ZNF26: variants seen among roughly 807,000 people sequenced by gnomAD.
ZNF26 encodes the protein zinc finger protein 26, also known as epididymis luminal protein 179.
ZNF26 carries 32 observed loss-of-function variants against 54.9 expected under a neutral mutation model. The observed-to-expected ratio is 0.58, with a 90% confidence interval of 0.44 to 0.78. ZNF26 has a LOEUF of 0.78. Among genes scored for constraint, ZNF26 ranks in the 30% least tolerant of loss-of-function variants. The pLI is 0.00. For missense variants in ZNF26, 524 were observed against 634.0 expected, an observed-to-expected ratio of 0.83 and a Z score of 1.86; for synonymous variants, 221 against 209.2, an observed-to-expected ratio of 1.06 and a Z score of -0.49.
rs950577383 is a variant in ZNF26, at chr12:133,022,223, A to C, written c.*10742A>C. 6.6e-6 allele frequency: 1 copy of C among 152,198 alleles called. No individual in the cohort carries two copies. The highest frequency in any genetic ancestry group is 6.5e-5 in the Admixed American group (1 of 15,280). 9.4% of individuals were successfully genotyped at this position (152,198 alleles called of 1,614,324 possible). A position where few individuals can be genotyped will look rare whatever the true frequency, so the allele number is the denominator to read the frequency against. On this transcript the variant is annotated 3_prime_UTR_variant, in exon 4 of 4. Coordinates refer to ENST00000328654, the MANE Select transcript of ZNF26 (RefSeq NM_019591.4). ...ACAGAGTGAGACCCTGTCACACACA[A>C]AAAATTAAAGTCATTAAAAAGAAAA... is the stretch of plus-strand genomic sequence containing the variant.
chr12:132,998,633 A>G (rs1159430032), intron 1 of ZNF26, among the ~76,000 whole-genome samples: 5 of 152,340 alleles, frequency 3.3e-5, no homozygotes, highest in African/African-American at 1.2e-4. Flanking sequence ...AAAAAGTGAC[A>G]TTCTTTACTT....
intron 1 of ZNF26, among the ~76,000 whole-genome samples, chr12:132,991,769 G>A (rs1461535441): frequency 6.6e-6 from 1 of 152,088 alleles, no homozygotes; most frequent in Admixed American, 6.6e-5. Flanking sequence ...AGGCAACAGA[G>A]CGAGACCGTC....
chr12:133,009,765 G>T (rs1411175366), intron 3 of ZNF26, among the ~76,000 whole-genome samples: 1 of 151,954 alleles, frequency 6.6e-6, no homozygotes, highest in South Asian at 2.1e-4. Flanking sequence ...GTGTAGTGGC[G>T]TGATCTCGGC....
chr12:133,011,175 G>C lies in ZNF26; in HGVS notation c.1296G>C (p.Glu432Asp). 1 of 1,614,146 alleles carries C rather than the reference G, an allele frequency of 6.2e-7. No homozygotes were observed. The highest frequency in any genetic ancestry group is 8.5e-7 in the Non-Finnish European group (1 of 1,180,022). ...GACCCTATGAATGTAGTTTGTGTGA[G>C]AGAGCCTTTTGTGGAAAATCACAGC... The part of the protein sequence containing the change: ...GERPYECSLC[E>D]RAFCGKSQLI... The change falls in exon 4 of 4, where the codon GAG becomes GAC. Residue 432 changes from glutamate to aspartate, a missense_variant. Glu to Asp is a conservative substitution (Grantham distance 45). Coordinates refer to ENST00000328654, the MANE Select transcript of ZNF26 (RefSeq NM_019591.4).
chr12:133,009,367 C>T (rs1386982778), intron 3 of ZNF26, among the ~76,000 whole-genome samples: 9 of 152,074 alleles, frequency 5.9e-5, no homozygotes, highest in Non-Finnish European at 7.4e-5. Context: ...CCAAGGCGGG[C>T]GGATCGCTTG....
In ZNF26 at chr12:133,016,880, A is replaced by AT. The variant is rs2137274168; in HGVS notation, c.*5403dup. ...TGGGAATATTAGTTGAAAGTCTGAT[A>AT]TTTTATCATTGAGTTGCCCTTTTCC... On this transcript the variant is annotated 3_prime_UTR_variant, in exon 4 of 4. Transcript: ENST00000328654. 6.6e-6 allele frequency: 1 copy of AT among 152,260 alleles called. No homozygotes were observed. Among genetic ancestry groups the AT allele is most frequent in the Non-Finnish European group, 1.5e-5 (1 of 68,028 alleles). 9.4% of individuals were successfully genotyped at this position (152,260 alleles called of 1,614,324 possible).
intron 1 of ZNF26, among the ~76,000 whole-genome samples, chr12:132,996,025 A>G (rs1035153369): frequency 3.3e-5 from 5 of 152,148 alleles, no homozygotes; most frequent in African/African-American, 1.2e-4. Context: ...GATCACCTCA[A>G]TCAAAACAGG....
rs1379670426 is a variant in ZNF26, at chr12:133,018,326, G to A, written c.*6845G>A. The A allele has an allele frequency of 6.6e-6, 1 of 152,000 alleles. No homozygotes were observed. The highest frequency in any genetic ancestry group is 1.5e-5 in the Non-Finnish European group (1 of 68,002). 9.4% of individuals were successfully genotyped at this position (152,000 alleles called of 1,614,324 possible). A position where few individuals can be genotyped will look rare whatever the true frequency, so the allele number is the denominator to read the frequency against. Reference sequence around the variant, plus strand: ...AATGTGTTGTTGCATTTGTAACATAGATATATATATCAATACCAGCACAAA... The same window carrying A: ...AATGTGTTGTTGCATTTGTAACATAAATATATATATCAATACCAGCACAAA... On this transcript the variant is annotated 3_prime_UTR_variant, in exon 4 of 4. Transcript: ENST00000328654.
At chr12:132,995,417 TCTC>T (rs1383278423) in intron 1 of ZNF26, 28 of 151,794 alleles carry the variant, frequency 1.8e-4, no homozygotes, top group African/African-American at 6.8e-4. Flanking sequence ...TAATTCCAGT[TCTC>T]CTTTTATTCA....
Position 133,023,564 on chromosome 12 carries a change from A to G in ZNF26, c.*12083A>G, listed in dbSNP as rs1274832359. 1 of 152,250 alleles carries G rather than the reference A, an allele frequency of 6.6e-6. No homozygotes were observed. The highest frequency in any genetic ancestry group is 2.4e-5 in the African/African-American group (1 of 41,474). The allele number at this position is 152,250 out of a possible 1,614,324, so 9.4% of individuals were successfully genotyped here. ...GGTCTCTTTCGCCATACATTTGTAT[A>G]TGAGGTTGAACCATAGGAAATTACA... On this transcript the variant is annotated 3_prime_UTR_variant, in exon 4 of 4. Coordinates refer to ENST00000328654, the MANE Select transcript of ZNF26 (RefSeq NM_019591.4).
intron 1 of ZNF26, 36 bp downstream of exon 1, chr12:132,986,909 G>T: frequency 6.3e-7 from 1 of 1,587,520 alleles, no homozygotes; most frequent in Non-Finnish European, 8.6e-7. Context: ...AATTCGACTG[G>T]ATACTGAGGG....
At chr12:132,991,647 TA>T (rs75476927) in intron 1 of ZNF26, among the ~76,000 whole-genome samples, 1 of 149,488 alleles carries the variant, frequency 6.7e-6, no homozygotes, top group African/African-American at 2.5e-5. Context: ...AAAAAAAACC[TA>T]AAAAAAAAAC....
In ZNF26 at chr12:133,026,063, A is replaced by C. The variant is rs1478295069; in HGVS notation, c.*14582A>C. ...TAGAAAAAGCTGCCTAGCTGAGCCTATCTTGAATTTCTGACCCAGGAAACT... is the reference window on the plus strand; with the variant it reads ...TAGAAAAAGCTGCCTAGCTGAGCCTCTCTTGAATTTCTGACCCAGGAAACT... On this transcript the variant is annotated 3_prime_UTR_variant, in exon 4 of 4. Transcript: ENST00000328654. 1 of 151,818 alleles carries C rather than the reference A, an allele frequency of 6.6e-6. No individual in the cohort carries two copies. The highest frequency in any genetic ancestry group is 1.5e-5 in the Non-Finnish European group (1 of 67,998). 9.4% of individuals were successfully genotyped at this position (151,818 alleles called of 1,614,324 possible). A position where few individuals can be genotyped will look rare whatever the true frequency, so the allele number is the denominator to read the frequency against.
At position 133,011,072 on chromosome 12, in the gene ZNF26, A is replaced by G. The variant is rs1953461462; in HGVS notation, c.1193A>G (p.Tyr398Cys). ...AGAGCTCATGCAGGAGAGAAGCCCTATGGATGCAGTGAATGTGGGAAGGCT... is the reference window on the plus strand; with the variant it reads ...AGAGCTCATGCAGGAGAGAAGCCCTGTGGATGCAGTGAATGTGGGAAGGCT... ...HLRAHAGEKPYGCSECGKAFS... is the reference protein window; with the variant it reads ...HLRAHAGEKPCGCSECGKAFS... Residue 398 changes from tyrosine to cysteine, a missense_variant, in exon 4 of 4, where the codon TAT becomes TGT. By Grantham distance (194) the Tyr-to-Cys change is radical. Coordinates refer to ENST00000328654, the MANE Select transcript of ZNF26 (RefSeq NM_019591.4). 7 of 1,614,132 alleles carry G rather than the reference A, an allele frequency of 4.3e-6. No homozygotes were observed. Among genetic ancestry groups the G allele is most frequent in the African/African-American group, 4.0e-5 (3 of 75,040 alleles).
At chr12:133,006,824 C>A (rs1953340967) in intron 1 of ZNF26, 1 of 521,600 alleles carries the variant, frequency 1.9e-6, no homozygotes, top group South Asian at 2.2e-5. Flanking sequence ...TGAACTCCTG[C>A]CCTTGTGATC....
chr12:132,986,618 C>T lies in ZNF26; in HGVS notation c.-223C>T. On this transcript the variant is annotated 5_prime_UTR_variant, in exon 1 of 4. Transcript: ENST00000328654. ...GGCCACGGAAAGGCACAAATCCATC[C>T]GTGCGACTCCTGGTACCCAGACCGG... The T allele has an allele frequency of 5.1e-6, 3 of 591,966 alleles. No individual in the cohort carries two copies. Among genetic ancestry groups the T allele is most frequent in the South Asian group, 4.0e-5 (2 of 49,910 alleles). The allele number at this position is 591,966 out of a possible 1,614,324, so 36.7% of individuals were successfully genotyped here.
chr12:132,999,494 A>G (rs1417711428), intron 1 of ZNF26, among the ~76,000 whole-genome samples: 1 of 152,028 alleles, frequency 6.6e-6, no homozygotes, highest in East Asian at 1.9e-4. Context: ...TGACCTCATT[A>G]TTTGCCTGCC....
rs1953439624 is a variant in ZNF26 at position 133,010,267 on chromosome 12, A to G, written c.388A>G (p.Thr130Ala). Reference protein sequence around the residue: ...HDSSRQRLYNTRGKSLTQNSA... With the variant: ...HDSSRQRLYNARGKSLTQNSA... ...TTCTTCAAGACAGAGACTCTATAAC[A>G]CACGTGGAAAAAGTTTGACACAAAA... Residue 130 changes from threonine to alanine, a missense_variant, in exon 4 of 4, where the codon ACA (threonine) becomes GCA (alanine). By Grantham distance (58) the Thr-to-Ala change is moderately conservative. Coordinates refer to ENST00000328654, the MANE Select transcript of ZNF26 (RefSeq NM_019591.4). 6.2e-7 allele frequency: 1 copy of G among 1,614,102 alleles called. No homozygotes were observed. The highest frequency in any genetic ancestry group is 1.7e-5 in the Admixed American group (1 of 60,018).
In ZNF26 at chr12:133,011,495, T is replaced by C; in HGVS notation, c.*14T>C. 6.6e-7 allele frequency: 1 copy of C among 1,524,754 alleles called. No homozygotes were observed. Among genetic ancestry groups the C allele is most frequent in the East Asian group, 2.3e-5 (1 of 44,098 alleles). 94.5% of individuals were successfully genotyped at this position (1,524,754 alleles called of 1,614,324 possible). A position where few individuals can be genotyped will look rare whatever the true frequency, so the allele number is the denominator to read the frequency against. ...ACTCATAAATGAGAAATCAGAATGA[T>C]GCAATGTGAGAAACTGATGTTCAGG... On this transcript the variant is annotated 3_prime_UTR_variant, in exon 4 of 4. Coordinates refer to ENST00000328654, the MANE Select transcript of ZNF26 (RefSeq NM_019591.4).
Sources: allele counts gnomAD v4.1 joint callset (sites outside exome capture counted in the v4.1 genomes callset), GRCh38; gene constraint gnomAD v4.1.1; transcripts MANE v1.5; gene names NCBI Gene and HGNC (gene_info 2026-07-23, HGNC 2026-07-21).